Variants in ISM1 observed in about 807,000 individuals in gnomAD.
The protein encoded by ISM1 is isthmin-1.
A neutral mutation model predicts 46.3 loss-of-function variants in ISM1; 25 were observed. The observed-to-expected ratio is 0.54, with a 90% CI of 0.39 to 0.75. ISM1 has a LOEUF of 0.75. Ranked by LOEUF, ISM1 falls within the 30% of genes least tolerant of loss-of-function variation. ISM1 has a pLI of 0.00. For missense variants in ISM1, 536 were observed against 625.4 expected (o/e 0.86, Z 1.52); for synonymous variants, 255 against 256.7 (o/e 0.99, Z 0.06).
Position 13,221,749 on chromosome 20 carries a change from G to C in ISM1, c.-28G>C. The C allele has an allele frequency of 7.3e-7, 1 of 1,373,252 alleles. No individual in the cohort carries two copies. Among genetic ancestry groups the C allele is most frequent in the Middle Eastern group, 2.7e-4 (1 of 3,760 alleles). The allele number at this position is 1,373,252 out of a possible 1,614,324, so 85.1% of individuals were successfully genotyped here. ...CGCCGCCGCCGCCGGCCGCCGCGCC[G>C]GGTCCTAAAGCCGCGCGTCTCAAAA... is the stretch of plus-strand genomic sequence containing the variant. On this transcript the variant is annotated 5_prime_UTR_variant, in exon 1 of 6. Transcript: ENST00000262487.
At chr20:13,305,213 A>C (rs897551824), downstream of ISM1, among the ~76,000 whole-genome samples, 6 of 152,156 alleles carry the variant, frequency 3.9e-5, no homozygotes, top group African/African-American at 7.2e-5. Flanking sequence ...AAAAAAAAAA[A>C]AAAAAACCCT....
chr20:13,250,974 T>A (rs7271997), intron 1 of ISM1, among the ~76,000 whole-genome samples: 16,365 of 152,282 alleles, frequency 0.11, 1,041 homozygotes, highest in African/African-American at 0.16. Context: ...TCATCTCTTC[T>A]TAGGCCACTT....
At chr20:13,324,164 C>T in the ISM1 span, among the ~76,000 whole-genome samples, 3 of 152,308 alleles carry the variant, frequency 2.0e-5, no homozygotes, top group East Asian at 1.9e-4. Flanking sequence ...ATAACCCTCA[C>T]GAATGCTTGT....
At chr20:13,286,839 C>T (rs532517328) in intron 3 of ISM1, among the ~76,000 whole-genome samples, 40 of 152,320 alleles carry the variant, frequency 2.6e-4, no homozygotes, top group Non-Finnish European at 7.3e-5. Flanking sequence ...TAATAACAAT[C>T]GCCACGACCT....
the ISM1 span, among the ~76,000 whole-genome samples, chr20:13,316,902 C>T: frequency 1.1e-3 from 168 of 151,916 alleles, no homozygotes; most frequent in Admixed American, 1.8e-3. Context: ...TCTCACCATT[C>T]CTTTTCAACA....
At chr20:13,312,698 C>G in the ISM1 span, among the ~76,000 whole-genome samples, 1 of 152,114 alleles carries the variant, frequency 6.6e-6, no homozygotes, top group African/African-American at 2.4e-5. Context: ...CTATGGGGCC[C>G]CTGGCTCCCA....
intron 1 of ISM1, among the ~76,000 whole-genome samples, chr20:13,262,681 C>T (rs1360113154): frequency 1.3e-5 from 2 of 152,178 alleles, no homozygotes; most frequent in African/African-American, 4.8e-5. Context: ...TGCACATTTT[C>T]AAGATCAAAG....
the ISM1 span, among the ~76,000 whole-genome samples, chr20:13,305,980 T>C: frequency 6.6e-6 from 1 of 152,304 alleles, no homozygotes; most frequent in East Asian, 1.9e-4. Context: ...ACAGCTGCAA[T>C]AGCAAAGCTG....
At chr20:13,228,380 T>A (rs2039552471) in intron 1 of ISM1, among the ~76,000 whole-genome samples, 1 of 152,228 alleles carries the variant, frequency 6.6e-6, no homozygotes, top group African/African-American at 2.4e-5. Context: ...TAAGAACCTA[T>A]ATCTTTAGAC....
chr20:13,236,445 G>C (rs754540265), intron 1 of ISM1, among the ~76,000 whole-genome samples: 5 of 152,022 alleles, frequency 3.3e-5, no homozygotes, highest in Admixed American at 6.6e-5. Context: ...GATTTGATTG[G>C]GGACACAACC....
the ISM1 span, among the ~76,000 whole-genome samples, chr20:13,310,117 A>G: frequency 1.3e-5 from 2 of 152,210 alleles, no homozygotes; most frequent in Non-Finnish European, 2.9e-5. Flanking sequence ...AAGCACAAAA[A>G]ATACTAAATA....
intron 1 of ISM1, among the ~76,000 whole-genome samples, chr20:13,254,054 C>A (rs2039898725): frequency 9.1e-6 from 1 of 110,142 alleles, no homozygotes; most frequent in Admixed American, 9.0e-5. Context: ...CCCATCATCT[C>A]TACTAAAAAA....
At chr20:13,249,705 C>T (rs940197458) in intron 1 of ISM1, among the ~76,000 whole-genome samples, 9 of 152,190 alleles carry the variant, frequency 5.9e-5, no homozygotes, top group African/African-American at 1.9e-4. Context: ...CTTTGCCTTT[C>T]GGAACACACA....
chr20:13,297,437 C>T (rs1007987230), intron 5 of ISM1, among the ~76,000 whole-genome samples: 1 of 152,180 alleles, frequency 6.6e-6, no homozygotes, highest in Admixed American at 6.5e-5. Context: ...CCTCTGTTTC[C>T]TGAAATCACT....
chr20:13,273,607 C>A (rs2040140593), intron 2 of ISM1, among the ~76,000 whole-genome samples: 1 of 152,154 alleles, frequency 6.6e-6, no homozygotes, highest in Non-Finnish European at 1.5e-5. Context: ...GTTGGGACTC[C>A]CAGAGCTGGG....
chr20:13,268,582 G>A (rs1240986919), intron 1 of ISM1, among the ~76,000 whole-genome samples: 7 of 152,130 alleles, frequency 4.6e-5, no homozygotes, highest in African/African-American at 7.2e-5. Context: ...GTGGAAAGGC[G>A]AGCAAAAACA....
At chr20:13,292,653 C>T (rs149406803) in intron 5 of ISM1, among the ~76,000 whole-genome samples, 190 bp downstream of exon 5, 1 of 152,220 alleles carries the variant, frequency 6.6e-6, no homozygotes, top group Non-Finnish European at 1.5e-5. Flanking sequence ...CCTCCTCCAC[C>T]GGACCGAGCG....
Position 13,298,997 on chromosome 20 carries a change from C to T in ISM1, c.933C>T (p.Tyr311=), listed in dbSNP as rs762252429. 2 of 1,613,612 alleles carry T rather than the reference C, an allele frequency of 1.2e-6. No homozygotes were observed. The highest frequency in any genetic ancestry group is 2.2e-5 in the South Asian group (2 of 90,954). The change falls in exon 6 of 6, where the codon TAC becomes TAT. Residue 311 remains tyrosine (Y), a synonymous_variant. Transcript: ENST00000262487. ...GCAAAAGCGAGTTCTTAAAGAAGTA[C>T]ATGCACAAGGTGATGAATGACCTGC... ...MSCKSEFLKK[Y]MHKVMNDLPS...
chr20:13,250,590 C>G (rs2039858369), intron 1 of ISM1, among the ~76,000 whole-genome samples: 1 of 152,156 alleles, frequency 6.6e-6, no homozygotes, highest in Non-Finnish European at 1.5e-5. Context: ...GGACCCTTCC[C>G]CAGACTCCCT....
Sources: gnomAD v4.1 joint callset for allele counts (sites outside exome capture counted in the v4.1 genomes callset) on GRCh38, gnomAD v4.1.1 for gene constraint, MANE v1.5 for transcripts, NCBI Gene and HGNC (gene_info 2026-07-23, HGNC 2026-07-21) for gene names.